The following SLC25A26 variants were observed in gnomAD, a reference collection of about 807,000 sequenced individuals.
SLC25A26 encodes mitochondrial S-adenosylmethionine carrier protein.
A neutral mutation model predicts 37.8 loss-of-function variants in SLC25A26; 36 were observed. That is an observed-to-expected ratio of 0.95 (90% CI 0.73 to 1.26). The LOEUF (loss-of-function observed/expected upper bound fraction) is 1.26, where lower values mean the gene tolerates loss of function less well. Ranked by LOEUF, SLC25A26 falls within the 50% of genes most tolerant of loss-of-function variation. SLC25A26 has a pLI of 0.00. For missense variants in SLC25A26, 390 were observed against 331.1 expected, an observed-to-expected ratio of 1.18 and a Z score of -1.38; for synonymous variants, 129 against 122.5, an observed-to-expected ratio of 1.05 and a Z score of -0.35.
chr3:66,285,802 T>A (rs1473095642), intron 5 of SLC25A26, among the ~76,000 whole-genome samples: 2 of 152,102 alleles, frequency 1.3e-5, no homozygotes. Flanking sequence ...CTGGTGTTTC[T>A]GAGGCCTGGA....
At chr3:66,352,316 C>T (rs2076471440) in intron 6 of SLC25A26, among the ~76,000 whole-genome samples, 2 of 152,160 alleles carry the variant, frequency 1.3e-5, no homozygotes, top group South Asian at 4.1e-4. Flanking sequence ...GCTGGCAAGG[C>T]ACTCTGTAAT....
At chr3:66,291,081 C>T (rs1325370585) in intron 5 of SLC25A26, among the ~76,000 whole-genome samples, 2 of 152,058 alleles carry the variant, frequency 1.3e-5, no homozygotes, top group African/African-American at 4.8e-5. Flanking sequence ...ATTTCCTCTA[C>T]ATTTTCTTGT....
intron 7 of SLC25A26, among the ~76,000 whole-genome samples, chr3:66,368,944 C>T (rs933244233): frequency 6.7e-6 from 1 of 149,310 alleles, no homozygotes; most frequent in South Asian, 2.1e-4. Flanking sequence ...TCACTTGAGC[C>T]TAGGAGGGTG....
chr3:66,294,105 T>C (rs1276731717), intron 5 of SLC25A26, among the ~76,000 whole-genome samples: 1 of 152,140 alleles, frequency 6.6e-6, no homozygotes, highest in African/African-American at 2.4e-5. Flanking sequence ...ATTATATAAA[T>C]TGCTTTGGGC....
At chr3:66,348,769 T>G (rs2076384964) in intron 6 of SLC25A26, among the ~76,000 whole-genome samples, 1 of 152,336 alleles carries the variant, frequency 6.6e-6, no homozygotes, top group African/African-American at 2.4e-5. Flanking sequence ...TTAATATAGT[T>G]TTTTGGCTCT....
intron 1 of SLC25A26, among the ~76,000 whole-genome samples, chr3:66,212,570 G>T (rs2071298448): frequency 6.6e-6 from 1 of 152,064 alleles, no homozygotes; most frequent in South Asian, 2.1e-4. Flanking sequence ...ATCCCCCATG[G>T]ATAAGGGGGA....
chr3:66,323,318 C>A (rs925142060), intron 5 of SLC25A26, among the ~76,000 whole-genome samples: 2 of 152,200 alleles, frequency 1.3e-5, no homozygotes, highest in African/African-American at 4.8e-5. Context: ...AAATAATACT[C>A]TGGTCTTAAT....
At chr3:66,194,760 C>G (rs904916809) in intron 1 of SLC25A26, among the ~76,000 whole-genome samples, 93 of 152,346 alleles carry the variant, frequency 6.1e-4, no homozygotes, top group Non-Finnish European at 9.4e-4. Context: ...CGCCACCACG[C>G]CCAGCTAATT....
chr3:66,196,041 A>G (rs943696957), intron 1 of SLC25A26, among the ~76,000 whole-genome samples: 2 of 152,236 alleles, frequency 1.3e-5, no homozygotes, highest in African/African-American at 4.8e-5. Flanking sequence ...GTTTCTGACT[A>G]TTGAAAATAC....
chr3:66,216,616 T>A (rs1308755261), upstream of SLC25A26, among the ~76,000 whole-genome samples: 145 of 151,932 alleles, frequency 9.5e-4, 2 homozygotes, highest in Non-Finnish European at 4.4e-5. Context: ...TTGTTTTTTG[T>A]TTTTGTTTTT....
chr3:66,328,026 A>C (rs1044992276), intron 5 of SLC25A26, among the ~76,000 whole-genome samples: 1 of 152,122 alleles, frequency 6.6e-6, no homozygotes, highest in African/African-American at 2.4e-5. Context: ...GTGAAGGAGG[A>C]AAGTTTGTTA....
chr3:66,339,064 T>C (rs1214707398), intron 5 of SLC25A26, among the ~76,000 whole-genome samples: 5 of 152,086 alleles, frequency 3.3e-5, no homozygotes, highest in Non-Finnish European at 1.5e-5. Flanking sequence ...TGTTTTCAGT[T>C]ATTTTGGCTG....
chr3:66,255,261 T>C (rs1576725349), intron 3 of SLC25A26, among the ~76,000 whole-genome samples: 1 of 152,208 alleles, frequency 6.6e-6, no homozygotes, highest in African/African-American at 2.4e-5. Context: ...GCAGCATGCA[T>C]GTGCACCTGG....
At chr3:66,201,763 G>T (rs2071113350) in intron 1 of SLC25A26, among the ~76,000 whole-genome samples, 1 of 152,156 alleles carries the variant, frequency 6.6e-6, no homozygotes, top group Non-Finnish European at 1.5e-5. Flanking sequence ...AGACATTTCT[G>T]AGTTGGTTTT....
At chr3:66,285,611 C>G (rs953336009) in intron 5 of SLC25A26, among the ~76,000 whole-genome samples, 1 of 129,326 alleles carries the variant, frequency 7.7e-6, no homozygotes, top group African/African-American at 3.1e-5. Context: ...AGGCACCCAC[C>G]AGCACTCCTG....
At chr3:66,245,816 A>T (rs192076445) in intron 3 of SLC25A26, among the ~76,000 whole-genome samples, 1 of 152,212 alleles carries the variant, frequency 6.6e-6, no homozygotes, top group East Asian at 1.9e-4. Context: ...CTTTATTGAG[A>T]TACAGTTCAC....
intron 5 of SLC25A26, among the ~76,000 whole-genome samples, chr3:66,283,105 A>G (rs994814275): frequency 6.6e-6 from 1 of 152,160 alleles, no homozygotes; most frequent in African/African-American, 2.4e-5. Context: ...CCTTTGATCT[A>G]TTGAAGGACA....
intron 5 of SLC25A26, among the ~76,000 whole-genome samples, chr3:66,337,823 T>G (rs77283291): frequency 0.03 from 4,596 of 152,154 alleles, 235 homozygotes; most frequent in African/African-American, 0.1. Context: ...GCAAAAGCTA[T>G]CAATATTCTG....
chr3:66,151,834 G>A (rs960353072), intron 1 of SLC25A26, among the ~76,000 whole-genome samples: 1 of 152,206 alleles, frequency 6.6e-6, no homozygotes, highest in Non-Finnish European at 1.5e-5. Flanking sequence ...AGTGATAACT[G>A]TCTCCTCAAA....
Sources: allele counts gnomAD v4.1 joint callset (sites outside exome capture counted in the v4.1 genomes callset), GRCh38; gene constraint gnomAD v4.1.1; transcripts MANE v1.5; gene names NCBI Gene and HGNC (gene_info 2026-07-23, HGNC 2026-07-21).